The following DHX8 variants were observed in gnomAD, a reference collection of about 807,000 sequenced individuals.
DHX8 encodes ATP-dependent RNA helicase DHX8.
DHX8 carries 67 observed loss-of-function variants against 140.7 expected under a neutral mutation model. That is an observed-to-expected ratio of 0.48 (90% confidence interval 0.39 to 0.58). DHX8 has a LOEUF of 0.58. Among genes scored for constraint, DHX8 ranks in the 20% least tolerant of loss-of-function variants. DHX8 has a pLI of 0.00. For synonymous variants in DHX8, 533 were observed against 553.2 expected, an observed-to-expected ratio of 0.96 and a Z score of 0.51; for missense variants, 887 against 1,550.7, an observed-to-expected ratio of 0.57 and a Z score of 7.19.
intron 9 of DHX8, among the ~76,000 whole-genome samples, chr17:43,498,167 G>A (rs1968974625): frequency 6.6e-6 from 1 of 150,800 alleles, no homozygotes; most frequent in South Asian, 2.1e-4. Flanking sequence ...AATTTGAGAC[G>A]GGGTTTCGTT....
downstream of DHX8, chr17:43,525,947 G>A (rs1970599495): frequency 2.0e-6 from 2 of 985,282 alleles, no homozygotes; most frequent in African/African-American, 3.5e-5. Context: ...GAGACAGCAG[G>A]GTTCGTTATC....
intron 3 of DHX8, among the ~76,000 whole-genome samples, chr17:43,540,015 A>C (rs948404355): frequency 2.6e-5 from 4 of 152,258 alleles, no homozygotes; most frequent in Non-Finnish European, 5.9e-5. Flanking sequence ...TGAAGTGACC[A>C]AAGACATCAA....
At chr17:43,502,931 G>A (rs1969280193) in intron 11 of DHX8, among the ~76,000 whole-genome samples, 1 of 152,088 alleles carries the variant, frequency 6.6e-6, no homozygotes, top group Admixed American at 6.6e-5. Context: ...TCACTTATTT[G>A]GTTAGTAGGC....
chr17:43,529,996 G>A (rs543125768), downstream of DHX8: 722 of 1,612,488 alleles, frequency 4.5e-4, 7 homozygotes, highest in South Asian at 6.0e-3. Flanking sequence ...GGGGTTCACC[G>A]ATGAGACCCC....
Position 43,520,243 on chromosome 17 carries a change from C to T in DHX8, c.2913C>T (p.Gly971=), listed in dbSNP as rs376441898. ...LYTLGALDDE[G]LLTRLGRRMA... ...CACTGGGGGCCCTGGATGACGAGGG[C>T]CTGCTCACTCGCTTGGGCCGCCGGG... Residue 971 remains glycine, a synonymous_variant, in exon 19 of 23, where the codon GGC becomes GGT. Transcript: ENST00000262415. The T allele has an allele frequency of 4.8e-5, 77 of 1,614,116 alleles. No individual in the cohort carries two copies. The highest frequency in any genetic ancestry group is 6.4e-5 in the Non-Finnish European group (75 of 1,180,004).
chr17:43,536,179 C>T (rs978239883), intron 2 of DHX8: 5 of 525,444 alleles, frequency 9.5e-6, no homozygotes, highest in Admixed American at 6.9e-5. Flanking sequence ...GGCCCAGGCC[C>T]CTCACTTCAG....
chr17:43,532,560 TG>T, intron 2 of DHX8: 1 of 904,652 alleles, frequency 1.1e-6, no homozygotes. Context: ...AAAAAGTGGG[TG>T]GGTGGGTTGG....
intron 22 of DHX8, 82 bp downstream of exon 22, chr17:43,522,308 C>T: frequency 7.2e-7 from 1 of 1,382,208 alleles, no homozygotes; most frequent in Middle Eastern, 2.4e-4. Context: ...GTGATTGTGT[C>T]TTCACTACTC....
intron 16 of DHX8, among the ~76,000 whole-genome samples, chr17:43,508,956 T>C (rs1969647834): frequency 6.6e-6 from 1 of 152,202 alleles, no homozygotes; most frequent in African/African-American, 2.4e-5. Context: ...TTTCAGAGAC[T>C]GGTCCAACCA....
rs1379218534 is a variant in DHX8 at position 43,513,245 on chromosome 17, C to A, written c.2503-117C>A. ...TGGGATTAAGTGTCATTTTAACCGT[C>A]TAGAGAGAGAGATAGCCACATATTC... On this transcript the variant is annotated intron_variant, in intron 16 of 22. Coordinates refer to ENST00000262415, the MANE Select transcript of DHX8 (RefSeq NM_004941.3). The A allele has an allele frequency of 6.9e-6, 8 of 1,155,812 alleles. No individual in the cohort carries two copies. In the South Asian group the frequency reaches 1.2e-4, roughly 18 times the overall value. The allele number at this position is 1,155,812 out of a possible 1,614,324, so 71.6% of individuals were successfully genotyped here.
At chr17:43,512,817 C>G (rs1177869582) in intron 16 of DHX8, among the ~76,000 whole-genome samples, 1 of 152,192 alleles carries the variant, frequency 6.6e-6, no homozygotes, top group Non-Finnish European at 1.5e-5. Context: ...ATCACATAGA[C>G]TGCTACACAC....
rs1970556194 is a variant in DHX8 at position 43,524,898 on chromosome 17, T to C, written c.*1051T>C. 4 of 985,278 alleles carry C rather than the reference T, an allele frequency of 4.1e-6. No individual in the cohort carries two copies. The allele number at this position is 985,278 out of a possible 1,614,324, so 61.0% of individuals were successfully genotyped here. ...GGGCTTGTTCTTAGTGGTTTTTTCCTAGCACTTGCTTGGAGAATAGCCACC... is the reference window on the plus strand; with the variant it reads ...GGGCTTGTTCTTAGTGGTTTTTTCCCAGCACTTGCTTGGAGAATAGCCACC... On this transcript the variant is annotated 3_prime_UTR_variant, in exon 23 of 23. Transcript: ENST00000262415.
At chr17:43,505,406 TA>T (rs546280688) in intron 12 of DHX8, among the ~76,000 whole-genome samples, 152 of 140,548 alleles carry the variant, frequency 1.1e-3, no homozygotes, top group South Asian at 1.1e-3. Flanking sequence ...AGACTCTGTC[TA>T]AAAAAAAAAA....
At chr17:43,499,156 G>A (rs1004223173) in intron 10 of DHX8, among the ~76,000 whole-genome samples, 197 bp downstream of exon 10, 2 of 152,310 alleles carry the variant, frequency 1.3e-5, no homozygotes, top group South Asian at 2.1e-4. Flanking sequence ...GAATTCTTTT[G>A]TGCTCCTTTT....
intron 2 of DHX8, chr17:43,533,446 G>A (rs1231745076): frequency 1.7e-6 from 2 of 1,177,568 alleles, no homozygotes; most frequent in African/African-American, 3.0e-5. Flanking sequence ...GGGATTACAG[G>A]AGAAGGAAGG....
At chr17:43,490,280 C>G in intron 2 of DHX8, 111 bp from the exon 3 acceptor site, 1 of 754,308 alleles carries the variant, frequency 1.3e-6, no homozygotes, top group East Asian at 2.5e-5. Flanking sequence ...TTCCAATTAG[C>G]TAAATTCAAG....
chr17:43,526,745 A>C, downstream of DHX8: 1 of 1,342,218 alleles, frequency 7.5e-7, no homozygotes, highest in South Asian at 1.8e-5. Context: ...TCTTCCCACC[A>C]CGATAGCTTG....
rs1555559953 is a variant in DHX8 at position 43,543,276 on chromosome 17, A to ACACACTCT, written c.*21-885_*21-884insACACTCTC. Among the ~76,000 whole-genome samples, 5 of 138,140 alleles carry ACACACTCT rather than the reference A, an allele frequency of 3.6e-5. No individual in the cohort carries two copies. The Admixed American group carries it at 3.6e-4, about 10-fold the overall frequency. 90.6% of individuals were successfully genotyped at this position (138,140 alleles called of 152,430 possible). A position where few individuals can be genotyped will look rare whatever the true frequency, so the allele number is the denominator to read the frequency against. ...AGCAGCATGTAACTAACACACACACACTCTCTCTCTCTCTCTCTCTCACAC... is the reference window on the plus strand; with the variant it reads ...AGCAGCATGTAACTAACACACACACACACACTCTCTCTCTCTCTCTCTCTCTCTCACAC... On this transcript the variant is annotated intron_variant, in intron 3 of 3. Coordinates refer to the DHX8 transcript ENST00000589898.
At chr17:43,488,040 G>A (rs547511240) in intron 1 of DHX8, among the ~76,000 whole-genome samples, 4 of 152,202 alleles carry the variant, frequency 2.6e-5, no homozygotes, top group African/African-American at 9.6e-5. Context: ...AGAACTTTGG[G>A]AGGCCGAGGC....
Sources: allele counts gnomAD v4.1 joint callset (sites outside exome capture counted in the v4.1 genomes callset), GRCh38; gene constraint gnomAD v4.1.1; transcripts MANE v1.5; gene names NCBI Gene and HGNC (gene_info 2026-07-23, HGNC 2026-07-21).